Variants in C12orf42 observed in about 807,000 individuals in gnomAD.
The protein encoded by C12orf42 is chromosome 12 open reading frame 42, also known as uncharacterized protein C12orf42.
A neutral mutation model predicts 21.6 loss-of-function variants in C12orf42; 25 were observed. The observed-to-expected ratio is 1.16, with a 90% CI of 0.84 to 1.62. The LOEUF (loss-of-function observed/expected upper bound fraction) is 1.62. Among genes scored for constraint, C12orf42 ranks in the 40% most tolerant of loss-of-function variants. C12orf42 has a pLI of 0.00. For synonymous variants in C12orf42, 174 were observed against 175.0 expected, an observed-to-expected ratio of 0.99 and a Z score of 0.05; for missense variants, 483 against 459.3, an observed-to-expected ratio of 1.05 and a Z score of -0.47.
At chr12:103,304,338 G>T (rs1667247636) in intron 5 of C12orf42, among the ~76,000 whole-genome samples, 1 of 152,180 alleles carries the variant, frequency 6.6e-6, no homozygotes, top group Admixed American at 6.5e-5. Flanking sequence ...AAAAAGTAGG[G>T]AGGAGAAGCA....
chr12:103,339,833 T>C (rs2042021382), intron 4 of C12orf42, among the ~76,000 whole-genome samples: 1 of 152,260 alleles, frequency 6.6e-6, no homozygotes, highest in African/African-American at 2.4e-5. Flanking sequence ...CTTCAAGTTA[T>C]ATTCAGAAGT....
the C12orf42 span, among the ~76,000 whole-genome samples, chr12:103,070,431 T>C: frequency 6.6e-6 from 1 of 152,142 alleles, no homozygotes; most frequent in African/African-American, 2.4e-5. Context: ...ATCTTTGCAA[T>C]TCCATTTTCT....
chr12:103,546,205 C>T, the C12orf42 span, among the ~76,000 whole-genome samples: 2 of 152,162 alleles, frequency 1.3e-5, no homozygotes, highest in South Asian at 2.1e-4. Flanking sequence ...ATCTCGGAAA[C>T]TCAGCATGTA....
chr12:103,258,076 A>C (rs1190417860), intron 10 of C12orf42, among the ~76,000 whole-genome samples: 1 of 152,160 alleles, frequency 6.6e-6, no homozygotes, highest in East Asian at 1.9e-4. Flanking sequence ...TAAAACAAGA[A>C]AGTATAAGCT....
intron 4 of C12orf42, among the ~76,000 whole-genome samples, chr12:103,334,532 A>G (rs1194054535): frequency 6.6e-6 from 1 of 152,162 alleles, no homozygotes; most frequent in Non-Finnish European, 1.5e-5. Context: ...AAAAGAAGGC[A>G]GGGAAATCCT....
chr12:103,083,193 C>T, the C12orf42 span, among the ~76,000 whole-genome samples: 3 of 152,036 alleles, frequency 2.0e-5, no homozygotes, highest in East Asian at 1.9e-4. Context: ...GGCGAAACCC[C>T]GTCTCTACAA....
At chr12:103,316,503 A>C (rs1169594867) in intron 4 of C12orf42, among the ~76,000 whole-genome samples, 3 of 152,114 alleles carry the variant, frequency 2.0e-5, no homozygotes, top group Admixed American at 2.0e-4. Flanking sequence ...ATCTACATAA[A>C]AAAGAAAAGA....
the C12orf42 span, among the ~76,000 whole-genome samples, chr12:103,519,598 G>T: frequency 6.6e-6 from 1 of 152,004 alleles, no homozygotes; most frequent in South Asian, 2.1e-4. Context: ...CACAAACCTG[G>T]ACTACAATAA....
At chr12:103,371,404 A>G (rs748862288) in intron 3 of C12orf42, among the ~76,000 whole-genome samples, 1 of 152,154 alleles carries the variant, frequency 6.6e-6, no homozygotes, top group Admixed American at 6.6e-5. Context: ...GACCCAATCC[A>G]GTTGTACCAG....
At chr12:103,250,428 G>C (rs1452632977) in intron 10 of C12orf42, among the ~76,000 whole-genome samples, 1 of 152,008 alleles carries the variant, frequency 6.6e-6, no homozygotes, top group Non-Finnish European at 1.5e-5. Flanking sequence ...ACATTTTAAA[G>C]CCCAGAGATG....
the C12orf42 span, among the ~76,000 whole-genome samples, chr12:103,184,529 G>C: frequency 1.3e-5 from 2 of 152,068 alleles, no homozygotes; most frequent in African/African-American, 2.4e-5. Context: ...AGAGAAGAGG[G>C]AATTGAACTG....
At chr12:103,096,305 A>T in the C12orf42 span, among the ~76,000 whole-genome samples, 2 of 152,054 alleles carry the variant, frequency 1.3e-5, no homozygotes, top group African/African-American at 4.8e-5. Context: ...GAATGGAATA[A>T]TTTTTTTTCA....
chr12:103,055,038 G>C, the C12orf42 span, among the ~76,000 whole-genome samples: 1 of 151,720 alleles, frequency 6.6e-6, no homozygotes, highest in East Asian at 1.9e-4. Flanking sequence ...TTCTTCTTTT[G>C]TACAGGCTTT....
chr12:103,264,316 A>G (rs911456021), downstream of C12orf42, among the ~76,000 whole-genome samples: 5 of 150,728 alleles, frequency 3.3e-5, no homozygotes, highest in Non-Finnish European at 5.9e-5. Flanking sequence ...AATGAAATAA[A>G]TATTCTCCCT....
chr12:103,179,350 A>C, the C12orf42 span, among the ~76,000 whole-genome samples: 1 of 152,242 alleles, frequency 6.6e-6, no homozygotes, highest in Non-Finnish European at 1.5e-5. Context: ...GACTTTTAGC[A>C]TAACCTGGGA....
chr12:103,201,940 C>A, the C12orf42 span, among the ~76,000 whole-genome samples: 5 of 152,030 alleles, frequency 3.3e-5, no homozygotes, highest in African/African-American at 1.2e-4. Context: ...CAAAAAAAAG[C>A]AAGAAATGTG....
chr12:103,559,096 A>C, the C12orf42 span: 1 of 152,206 alleles, frequency 6.6e-6, no homozygotes, highest in Non-Finnish European at 1.5e-5. Flanking sequence ...TTATGCCCAA[A>C]GCCTTGGGCA....
chr12:103,088,959 CG>C, the C12orf42 span, among the ~76,000 whole-genome samples: 2 of 151,834 alleles, frequency 1.3e-5, no homozygotes, highest in Non-Finnish European at 2.9e-5. Context: ...AAAAATCAGC[CG>C]GGCGTGGTGG....
chr12:103,440,244 G>A (rs1469544749), intron 2 of C12orf42, among the ~76,000 whole-genome samples: 3 of 129,168 alleles, frequency 2.3e-5, no homozygotes, highest in Non-Finnish European at 4.8e-5. Context: ...AATATCACAC[G>A]CTGGGGACTG....
Sources: allele counts gnomAD v4.1 joint callset (sites outside exome capture counted in the v4.1 genomes callset), GRCh38; gene constraint gnomAD v4.1.1; transcripts MANE v1.5; gene names NCBI Gene and HGNC (gene_info 2026-07-23, HGNC 2026-07-21).